The following ZFX variants were observed in gnomAD, a reference collection of about 807,000 sequenced individuals.
The protein encoded by ZFX is zinc finger X-chromosomal protein.
For missense variants in ZFX, 362 were observed against 628.3 expected, an observed-to-expected ratio of 0.58 and a Z score of 4.53; for synonymous variants, 196 against 226.8, an observed-to-expected ratio of 0.86 and a Z score of 1.22.
intron 3 of ZFX, chrX:24,161,647 A>C (rs1463820047): frequency 9.1e-6 from 1 of 109,594 alleles, no homozygotes. Flanking sequence ...ATTAAGGGAG[A>C]AGTGATACTA....
intron 3 of ZFX, among the ~76,000 whole-genome samples, chrX:24,160,298 C>CTT (rs397966885): frequency 0.011 from 964 of 84,091 alleles, 24 homozygotes; most frequent in African/African-American, 0.037. Context: ...AATTGAAATG[C>CTT]TTTTTTTTTT....
At chrX:24,170,449 G>C (rs954667143) in intron 3 of ZFX, among the ~76,000 whole-genome samples, 7 of 110,188 alleles carry the variant, frequency 6.4e-5, no homozygotes, top group Non-Finnish European at 1.3e-4. Flanking sequence ...GAGCCACCAC[G>C]TCCAGCCAAT....
At chrX:24,166,940 C>T (rs780870721) in intron 3 of ZFX, among the ~76,000 whole-genome samples, 5 of 111,746 alleles carry the variant, frequency 4.5e-5, no homozygotes, top group Non-Finnish European at 9.4e-5. Flanking sequence ...CCTGCAGTAC[C>T]ACCAACATCA....
chrX:24,199,917 C>CA (rs750693884), intron 5 of ZFX, among the ~76,000 whole-genome samples: 969 of 70,347 alleles, frequency 0.014, 10 homozygotes, highest in Middle Eastern at 0.023. Context: ...AACTCCGTCT[C>CA]AAAAAAAAAA....
chrX:24,206,025 T>C (rs758120421), intron 5 of ZFX, among the ~76,000 whole-genome samples: 35 of 110,516 alleles, frequency 3.2e-4, no homozygotes, highest in Non-Finnish European at 5.1e-4. Context: ...CAGGCTATTA[T>C]ACCTTCATTA....
chrX:24,211,422 A>G lies in ZFX; in HGVS notation c.*46A>G, dbSNP rs1206412911. 8.5e-7 allele frequency: 1 copy of G among 1,178,919 alleles called. No individual in the cohort carries two copies. Among genetic ancestry groups the G allele is most frequent in the East Asian group, 3.0e-5 (1 of 33,123 alleles). On this transcript the variant is annotated 3_prime_UTR_variant, in exon 10 of 10. Coordinates refer to ENST00000304543, the MANE Select transcript of ZFX (RefSeq NM_003410.4). Reference sequence around the variant, plus strand: ...TGTAGAGATATTGGCCTTGAAGCAGAAAATTCATTTTAAAGCCAATCAGTC... The same window carrying G: ...TGTAGAGATATTGGCCTTGAAGCAGGAAATTCATTTTAAAGCCAATCAGTC...
At chrX:24,196,807 G>A (rs956784488) in intron 5 of ZFX, among the ~76,000 whole-genome samples, 1 of 111,471 alleles carries the variant, frequency 9.0e-6, no homozygotes, top group African/African-American at 3.3e-5. Context: ...TGTTGTCCAG[G>A]CTGGTCTCAA....
At chrX:24,177,332 A>G in intron 4 of ZFX, among the ~76,000 whole-genome samples, 1 of 112,522 alleles carries the variant, frequency 8.9e-6, no homozygotes, top group East Asian at 2.8e-4. Flanking sequence ...TACACTGTGC[A>G]AACTGTGTGA....
At chrX:24,151,187 G>A (rs1042165305) in intron 1 of ZFX, among the ~76,000 whole-genome samples, 13 of 112,262 alleles carry the variant, frequency 1.2e-4, no homozygotes, top group Non-Finnish European at 2.3e-4. Flanking sequence ...GCGATGCACC[G>A]TGCTAGATGC....
At chrX:24,159,042 G>A (rs1486310187) in intron 3 of ZFX, among the ~76,000 whole-genome samples, 2 of 109,814 alleles carry the variant, frequency 1.8e-5, no homozygotes, top group African/African-American at 6.6e-5. Context: ...TTGCTCTGTC[G>A]CCCAGGTGGG....
rs956064698 is a variant in ZFX, at chrX:24,181,250, G to A, written c.646+1480G>A. 9.8e-5 allele frequency among the ~76,000 whole-genome samples: 11 copies of A among 112,331 alleles called. No individual in the cohort carries two copies. In the South Asian group the frequency reaches 2.2e-3, roughly 22 times the overall value. ...GGAAGAAAATGCCTTCATTCAACAC[G>A]TTTATTGGACCCTGAATGTGTGAGA... On this transcript the variant is annotated intron_variant, in intron 5 of 9. Coordinates refer to ENST00000304543, the MANE Select transcript of ZFX (RefSeq NM_003410.4).
intron 4 of ZFX, 165 bp downstream of exon 4, chrX:24,172,965 T>C (rs1934766876): frequency 2.5e-6 from 1 of 404,219 alleles, no homozygotes; most frequent in South Asian, 8.2e-5. Flanking sequence ...TCCTCAAAGA[T>C]GTGGCTCCCT....
intron 3 of ZFX, among the ~76,000 whole-genome samples, chrX:24,171,169 G>A (rs1934566912): frequency 9.0e-6 from 1 of 111,548 alleles, no homozygotes; most frequent in Admixed American, 9.6e-5. Flanking sequence ...AATAAGAGAA[G>A]AATAGAGTGC....
chrX:24,182,183 A>G (rs1044359980), intron 5 of ZFX, among the ~76,000 whole-genome samples: 2 of 110,914 alleles, frequency 1.8e-5, no homozygotes, highest in Non-Finnish European at 1.9e-5. Flanking sequence ...GGGAAGATTT[A>G]GGATCTGTTA....
intron 4 of ZFX, among the ~76,000 whole-genome samples, chrX:24,178,751 T>G (rs935130854): frequency 1.3e-4 from 15 of 111,436 alleles, no homozygotes; most frequent in African/African-American, 4.9e-4. Flanking sequence ...GGCTAATTTT[T>G]GTGTTTTTAG....
chrX:24,179,922 A>G lies in ZFX; in HGVS notation c.646+152A>G, dbSNP rs1935524392. 4 of 569,227 alleles carry G rather than the reference A, an allele frequency of 7.0e-6. No individual in the cohort carries two copies. In the South Asian group the frequency reaches 1.3e-4, roughly 19 times the overall value. 46.9% of individuals were successfully genotyped at this position (569,227 alleles called of 1,213,427 possible). A position where few individuals can be genotyped will look rare whatever the true frequency, so the allele number is the denominator to read the frequency against. On this transcript the variant is annotated intron_variant, in intron 5 of 9. Coordinates refer to ENST00000304543, the MANE Select transcript of ZFX (RefSeq NM_003410.4). ...GTTGTTTCCATTTGCAGCCTACAAG[A>G]TAACTGAAAATTAAGAAAAGTGAGG...
chrX:24,198,358 A>T (rs1026534658), intron 5 of ZFX, among the ~76,000 whole-genome samples: 1 of 110,655 alleles, frequency 9.0e-6, no homozygotes. Context: ...CCATACCACC[A>T]TGCCCAGCTA....
rs1601997699 is a variant in ZFX at position 24,211,468 on chromosome X, A to C, written c.*92A>C. 1 of 964,337 alleles carries C rather than the reference A, an allele frequency of 1.0e-6. No homozygotes were observed. The highest frequency in any genetic ancestry group is 1.4e-6 in the Non-Finnish European group (1 of 702,835). The allele number at this position is 964,337 out of a possible 1,213,427, so 79.5% of individuals were successfully genotyped here. On this transcript the variant is annotated 3_prime_UTR_variant, in exon 10 of 10. Transcript: ENST00000304543. Reference sequence around the variant, plus strand: ...CAGTCTCATTCACATACAATACTGTATATTGATTTATGCTGTGTACAAATA... The same window carrying C: ...CAGTCTCATTCACATACAATACTGTCTATTGATTTATGCTGTGTACAAATA...
At chrX:24,183,206 A>G (rs1297182160) in intron 5 of ZFX, among the ~76,000 whole-genome samples, 2 of 111,513 alleles carry the variant, frequency 1.8e-5, no homozygotes, top group African/African-American at 6.5e-5. Flanking sequence ...TATTTTTGAG[A>G]TGGAGTCTCA....
Sources: allele counts gnomAD v4.1 joint callset (sites outside exome capture counted in the v4.1 genomes callset), GRCh38; gene constraint gnomAD v4.1.1; transcripts MANE v1.5; gene names NCBI Gene and HGNC (gene_info 2026-07-23, HGNC 2026-07-21).